Variants in PWWP3A observed in about 807,000 individuals in gnomAD.
PWWP3A encodes PWWP domain containing 3A, DNA repair factor.
PWWP3A carries 53 observed loss-of-function variants against 79.0 expected under a neutral mutation model. The observed-to-expected ratio is 0.67, with a 90% CI of 0.54 to 0.84. The LOEUF is 0.84. Among genes scored for constraint, PWWP3A ranks in the 40% least tolerant of loss-of-function variants. PWWP3A has a pLI of 0.00. For missense variants in PWWP3A, 973 were observed against 948.0 expected (o/e 1.03, Z -0.35); for synonymous variants, 443 against 394.4 (o/e 1.12, Z -1.46).
intron 13 of PWWP3A, among the ~76,000 whole-genome samples, chr19:1,375,235 A>T (rs907523973): frequency 1.2e-3 from 179 of 150,132 alleles, no homozygotes; most frequent in Non-Finnish European, 2.1e-3. Context: ...AAAAAAAAAA[A>T]ATATTACACA....
intron 4 of PWWP3A, 193 bp from the exon 5 acceptor site, chr19:1,359,943 A>G: frequency 5.7e-6 from 3 of 522,230 alleles, no homozygotes; most frequent in East Asian, 6.7e-5. Flanking sequence ...GAATCCCGGA[A>G]TGAATAGCTG....
chr19:1,362,217 G>A (rs1367422504), intron 5 of PWWP3A, 33 bp from the exon 6 acceptor site: 1 of 1,567,210 alleles, frequency 6.4e-7, no homozygotes, highest in Non-Finnish European at 8.7e-7. Flanking sequence ...ACAATGCAAT[G>A]ACCATGAAAG....
At chr19:1,355,489 C>A (rs1255077462) in intron 1 of PWWP3A, among the ~76,000 whole-genome samples, 5 of 122,318 alleles carry the variant, frequency 4.1e-5, no homozygotes, top group Non-Finnish European at 7.0e-5. Context: ...TTCCCCACCC[C>A]CAACCGTGAA....
At position 1,364,409 on chromosome 19, in the gene PWWP3A, C is replaced by T. The variant is rs2082085763; in HGVS notation, c.1214-100C>T. The stretch of plus-strand genomic sequence containing the variant: ...ACACAAAGTCAGGTTTTAACAATAT[C>T]GTGCTAACTGTGTTTTCTCAGGCTG... On this transcript the variant is annotated intron_variant, in intron 6 of 13. Transcript: ENST00000591337. 8 of 833,800 alleles carry T rather than the reference C, an allele frequency of 9.6e-6. No individual in the cohort carries two copies. In the Admixed American group the frequency reaches 1.0e-4, roughly 10 times the overall value. 51.7% of individuals were successfully genotyped at this position (833,800 alleles called of 1,614,324 possible). A position where few individuals can be genotyped will look rare whatever the true frequency, so the allele number is the denominator to read the frequency against.
In PWWP3A at chr19:1,355,572, C is replaced by T. The variant is rs1031948493; in HGVS notation, c.-70+437C>T. 2.1e-5 allele frequency among the ~76,000 whole-genome samples: 3 copies of T among 143,940 alleles called. No individual in the cohort carries two copies. The East Asian group carries it at 6.4e-4, about 30-fold the overall frequency. 94.4% of individuals were successfully genotyped at this position (143,940 alleles called of 152,430 possible). ...GCCCTCGTTCTTGCTCCCTGAGCCC[C>T]CCCGCTTCTGCTGTGACCCCCTTCT... On this transcript the variant is annotated intron_variant, in intron 1 of 13. Transcript: ENST00000591337.
rs776243314 is a variant in PWWP3A, at chr19:1,360,758, C to G, written c.837C>G (p.Ser279Arg). 2 of 1,611,848 alleles carry G rather than the reference C, an allele frequency of 1.2e-6. No homozygotes were observed. Among genetic ancestry groups the G allele is most frequent in the South Asian group, 1.1e-5 (1 of 90,950 alleles). Residue 279 changes from serine to arginine, a missense_variant, in exon 5 of 14, where the codon AGC becomes AGG. Coordinates refer to ENST00000591337, the MANE Select transcript of PWWP3A (RefSeq NM_001369789.1). This position sits in a 1 kb window ranked among gnomAD's most constrained non-coding sequence, Gnocchi z 4.4. The stretch of plus-strand genomic sequence containing the variant: ...ACGACCCCGGTCTGCCGTTGGGCAG[C>G]CTCACTGCGCCCCCAGCCCCTGAGC... ...EGHDPGLPLG[S>R]LTAPPAPEPS...
At chr19:1,357,575 G>C (rs949692086) in intron 3 of PWWP3A, 2 of 153,466 alleles carry the variant, frequency 1.3e-5, no homozygotes, top group African/African-American at 4.8e-5. Context: ...CGTTCAAAAG[G>C]CAAATAACTG....
rs183802399 is a variant in PWWP3A, at chr19:1,370,645, A to G, written c.1553A>G (p.Tyr518Cys). The G allele has an allele frequency of 1.0e-5, 15 of 1,448,622 alleles. No homozygotes were observed. Among genetic ancestry groups the G allele is most frequent in the African/African-American group, 1.4e-5 (1 of 69,754 alleles). The allele number at this position is 1,448,622 out of a possible 1,614,324, so 89.7% of individuals were successfully genotyped here. A position where few individuals can be genotyped will look rare whatever the true frequency, so the allele number is the denominator to read the frequency against. The change falls in exon 12 of 14, where the codon TAT becomes TGT. Residue 518 changes from tyrosine to cysteine, a missense_variant. Tyr to Cys is a radical substitution (Grantham distance 194, BLOSUM62 -2). Transcript: ENST00000591337. ...FLEYYAADIS[Y>C]PVRKSIQQDV... ...ACGACAGGTGCTTCTTTTGCAGGCT[A>G]TCCTGTCCGAAAATCCATCCAGCAG...
chr19:1,374,440 C>T (rs2082322442), intron 13 of PWWP3A: 1 of 152,180 alleles, frequency 6.6e-6, no homozygotes, highest in South Asian at 2.1e-4. Flanking sequence ...GTCCTGGGAC[C>T]CAGTCTCCCC....
chr19:1,364,467 T>C (rs2082087217), intron 6 of PWWP3A, 42 bp from the exon 7 acceptor site: 1 of 1,475,906 alleles, frequency 6.8e-7, no homozygotes, highest in Non-Finnish European at 9.3e-7. Flanking sequence ...ATTTGACTTG[T>C]CTATTCTTTT....
chr19:1,375,750 T>C (rs2082373898), intron 13 of PWWP3A, among the ~76,000 whole-genome samples: 2 of 142,236 alleles, frequency 1.4e-5, no homozygotes, highest in Admixed American at 7.5e-5. Context: ...ATATAAAATA[T>C]ATAATTTTAT....
intron 11 of PWWP3A, among the ~76,000 whole-genome samples, chr19:1,370,384 G>A (rs1442004684): frequency 6.6e-6 from 1 of 152,210 alleles, no homozygotes; most frequent in Non-Finnish European, 1.5e-5. Context: ...CTTGGGCAGT[G>A]CTGCACGGGC....
Position 1,360,876 on chromosome 19 carries a change from A to G in PWWP3A, c.955A>G (p.Met319Val), listed in dbSNP as rs1014280540. The change falls in exon 5 of 14, where the codon ATG (methionine) becomes GTG (valine). Residue 319 changes from methionine to valine, a missense_variant. Met to Val is a conservative substitution (Grantham distance 21). Coordinates refer to ENST00000591337, the MANE Select transcript of PWWP3A (RefSeq NM_001369789.1). This position sits in a 1 kb window ranked among gnomAD's most constrained non-coding sequence, Gnocchi z 4.4. ...GCCGCCTGCCGTGCAGCTGGAGCCC[A>G]TGGCAGCAGGGGCCGCACCATCCCC... Reference protein sequence around the residue: ...QRPPAVQLEPMAAGAAPSPGP... With the variant: ...QRPPAVQLEPVAAGAAPSPGP... 1 of 1,547,096 alleles carries G rather than the reference A, an allele frequency of 6.5e-7. No individual in the cohort carries two copies. The highest frequency in any genetic ancestry group is 8.7e-7 in the Non-Finnish European group (1 of 1,146,112).
chr19:1,369,028 G>T lies in PWWP3A; in HGVS notation c.1423-237G>T. 1 of 501,100 alleles carries T rather than the reference G, an allele frequency of 2.0e-6. No homozygotes were observed. Among genetic ancestry groups the T allele is most frequent in the South Asian group, 2.1e-5 (1 of 48,756 alleles). The allele number at this position is 501,100 out of a possible 1,614,324, so 31.0% of individuals were successfully genotyped here. ...ATCAGCCCAAGCCATCGGGTCCCCG[G>T]TGCCCACCATTTGAGCAGCTCAGGG... On this transcript the variant is annotated intron_variant, in intron 9 of 13. Transcript: ENST00000591337. This position sits in a 1 kb window ranked among gnomAD's most constrained non-coding sequence, Gnocchi z 4.0.
Position 1,360,906 on chromosome 19 carries a change from C to A in PWWP3A, c.985C>A (p.Pro329Thr), listed in dbSNP as rs1388165136. The change falls in exon 5 of 14, where the codon CCG becomes ACG. Residue 329 changes from proline to threonine, a missense_variant. Pro to Thr is a conservative substitution (Grantham distance 38, BLOSUM62 -1). Transcript: ENST00000591337. This position sits in a 1 kb window ranked among gnomAD's most constrained non-coding sequence, Gnocchi z 4.4. ...MAAGAAPSPGPGPGPRESVTP... is the reference protein window; with the variant it reads ...MAAGAAPSPGTGPGPRESVTP... ...AGCAGGGGCCGCACCATCCCCCGGG[C>A]CGGGGCCAGGGCCCAGAGAGTCTGT... The A allele has an allele frequency of 6.5e-7, 1 of 1,540,164 alleles. No homozygotes were observed. Among genetic ancestry groups the A allele is most frequent in the Non-Finnish European group, 8.8e-7 (1 of 1,142,364 alleles).
intron 6 of PWWP3A, chr19:1,364,302 G>T: frequency 1.4e-6 from 1 of 690,254 alleles, no homozygotes; most frequent in Non-Finnish European, 2.7e-6. Context: ...TGGTTTCACT[G>T]TCTCATCATT....
Position 1,360,025 on chromosome 19 carries a change from A to T in PWWP3A, c.215-111A>T. 2 of 1,077,488 alleles carry T rather than the reference A, an allele frequency of 1.9e-6. No individual in the cohort carries two copies. Among genetic ancestry groups the T allele is most frequent in the Non-Finnish European group, 2.5e-6 (2 of 792,316 alleles). The allele number at this position is 1,077,488 out of a possible 1,614,324, so 66.7% of individuals were successfully genotyped here. A position where few individuals can be genotyped will look rare whatever the true frequency, so the allele number is the denominator to read the frequency against. ...TGTTAGTCCTCCCCTTCAGTGATTT[A>T]GGTATGAAACTAGCCGTCAGAATGA... On this transcript the variant is annotated intron_variant, in intron 4 of 13. Transcript: ENST00000591337. This position sits in a 1 kb window ranked among gnomAD's most constrained non-coding sequence, Gnocchi z 4.4.
chr19:1,368,122 A>C lies in PWWP3A; in HGVS notation c.1422+902A>C, dbSNP rs995689703. Among the ~76,000 whole-genome samples the C allele has an allele frequency of 2.0e-5, 3 of 152,050 alleles. No homozygotes were observed. Among genetic ancestry groups the C allele is most frequent in the Non-Finnish European group, 4.4e-5 (3 of 68,014 alleles). Reference sequence around the variant, plus strand: ...GTATTTTTAGTAGAGACGGGGTTTCATCATATTGGCCAGGTTGGTCTCGAA... The same window carrying C: ...GTATTTTTAGTAGAGACGGGGTTTCCTCATATTGGCCAGGTTGGTCTCGAA... On this transcript the variant is annotated intron_variant, in intron 9 of 13. Coordinates refer to ENST00000591337, the MANE Select transcript of PWWP3A (RefSeq NM_001369789.1). The surrounding 1 kb of genome is among the most constrained non-coding windows in gnomAD (Gnocchi z 4.7).
intron 9 of PWWP3A, among the ~76,000 whole-genome samples, chr19:1,367,788 C>G (rs2082160961): frequency 6.6e-6 from 1 of 152,228 alleles, no homozygotes; most frequent in African/African-American, 2.4e-5. Flanking sequence ...TCAGAAATGT[C>G]TATTTCCCCT....
Sources: allele counts gnomAD v4.1 joint callset (sites outside exome capture counted in the v4.1 genomes callset), GRCh38; gene constraint gnomAD v4.1.1; non-coding constraint Gnocchi (gnomAD v3.1); transcripts MANE v1.5; gene names NCBI Gene and HGNC (gene_info 2026-07-23, HGNC 2026-07-21).